The following FARP1 variants were observed in gnomAD, a reference collection of about 807,000 sequenced individuals.
FARP1 encodes FERM, ARH/RhoGEF and pleckstrin domain protein 1.
FARP1 carries 52 observed loss-of-function variants against 128.8 expected under a neutral mutation model. That is an observed-to-expected ratio of 0.40 (90% confidence interval 0.32 to 0.51). The LOEUF is 0.51. FARP1 is among the 20% of genes least tolerant of loss of function. The probability of loss-of-function intolerance (pLI) is 0.45; values close to 1 mark genes in which losing one functional copy is unlikely to be tolerated. For missense variants in FARP1, 1,333 were observed against 1,367.9 expected, an observed-to-expected ratio of 0.97 and a Z score of 0.40; for synonymous variants, 580 against 551.8, an observed-to-expected ratio of 1.05 and a Z score of -0.72.
chr13:98,172,495 A>C (rs1877722121), intron 1 of FARP1, among the ~76,000 whole-genome samples: 1 of 152,160 alleles, frequency 6.6e-6, no homozygotes, highest in Admixed American at 6.5e-5. Flanking sequence ...TGCCTCTAGC[A>C]TAGCACCCTT....
chr13:98,200,207 A>G (rs1391672659), intron 1 of FARP1, among the ~76,000 whole-genome samples: 2 of 152,342 alleles, frequency 1.3e-5, no homozygotes, highest in African/African-American at 4.8e-5. Flanking sequence ...CATGTGCAAA[A>G]CATGGCAGAG....
At chr13:98,294,931 C>T (rs551083037) in intron 2 of FARP1, among the ~76,000 whole-genome samples, 110 of 151,726 alleles carry the variant, frequency 7.2e-4, no homozygotes, top group Admixed American at 2.8e-3. Context: ...GCAGGATAAT[C>T]GCTTGATCCC....
At chr13:98,174,690 G>GT (rs1877874503) in intron 1 of FARP1, among the ~76,000 whole-genome samples, 1 of 152,144 alleles carries the variant, frequency 6.6e-6, no homozygotes, top group South Asian at 2.1e-4. Context: ...TGTCTGCCTT[G>GT]TCGACTATCA....
intron 11 of FARP1, among the ~76,000 whole-genome samples, chr13:98,392,501 A>C (rs184989507): frequency 0.014 from 1,710 of 122,240 alleles, 15 homozygotes; most frequent in Middle Eastern, 0.05. Flanking sequence ...ATCCTGTCCC[A>C]AAAAAAAAAA....
intron 2 of FARP1, among the ~76,000 whole-genome samples, chr13:98,264,795 A>C (rs1489960441): frequency 6.6e-6 from 1 of 152,180 alleles, no homozygotes; most frequent in African/African-American, 2.4e-5. Flanking sequence ...CTTACTATTC[A>C]ATAGTAATAA....
chr13:98,367,162 A>ATGG (rs1397502037), intron 4 of FARP1, among the ~76,000 whole-genome samples: 11 of 152,108 alleles, frequency 7.2e-5, no homozygotes, highest in Non-Finnish European at 1.5e-4. Context: ...GATGATGATG[A>ATGG]TGATGATGAT....
intron 3 of FARP1, among the ~76,000 whole-genome samples, chr13:98,354,254 A>G (rs74908678): frequency 0.014 from 2,148 of 152,246 alleles, 18 homozygotes; most frequent in Middle Eastern, 0.034. Context: ...TTTCTTTTTC[A>G]TTTAAAGCTT....
At chr13:98,224,671 T>G (rs1881650771) in intron 2 of FARP1, among the ~76,000 whole-genome samples, 1 of 151,922 alleles carries the variant, frequency 6.6e-6, no homozygotes, top group Non-Finnish European at 1.5e-5. Context: ...TCCCATTTGC[T>G]GACCCCAACC....
intron 2 of FARP1, among the ~76,000 whole-genome samples, chr13:98,247,000 C>T (rs4772058): frequency 0.39 from 60,041 of 152,022 alleles, 12,451 homozygotes; most frequent in South Asian, 0.54. Flanking sequence ...CCAAGGTGGA[C>T]GGATCACCTG....
chr13:98,162,286 A>G (rs1876943919), intron 1 of FARP1, among the ~76,000 whole-genome samples: 1 of 152,202 alleles, frequency 6.6e-6, no homozygotes, highest in African/African-American at 2.4e-5. Context: ...CCTGCGTACA[A>G]GTGTGGAGTT....
At position 98,448,265 on chromosome 13, in the gene FARP1, G is replaced by A. The variant is rs147158245; in HGVS notation, c.3086G>A (p.Ser1029Asn). The A allele has an allele frequency of 8.7e-6, 14 of 1,614,008 alleles. No homozygotes were observed. The highest frequency in any genetic ancestry group is 1.1e-5 in the Non-Finnish European group (13 of 1,179,976). Reference protein sequence around the residue: ...RWMEVIRSATSSASRPHVLSH... With the variant: ...RWMEVIRSATNSASRPHVLSH... ...ATGGAAGTGATCCGCAGTGCCACCA[G>A]CTCTGCCTCGCGACCCCACGTGTTG... is the stretch of plus-strand genomic sequence containing the variant. The change falls in exon 27 of 27, where the codon AGC becomes AAC. Residue 1029 changes from serine to asparagine, a missense_variant. Transcript: ENST00000319562.
intron 13 of FARP1, chr13:98,398,170 G>T (rs1360349877): frequency 6.6e-6 from 1 of 152,054 alleles, no homozygotes; most frequent in Non-Finnish European, 1.5e-5. Context: ...TCCAGAAGTC[G>T]GTTTTAAAGA....
intron 2 of FARP1, chr13:98,329,957 A>G (rs180839132): frequency 1.3e-5 from 2 of 152,366 alleles, no homozygotes; most frequent in African/African-American, 4.8e-5. Flanking sequence ...AAAGTGAAAA[A>G]TAAAAAGAAA....
At chr13:98,358,927 G>A (rs1428697450) in intron 3 of FARP1, among the ~76,000 whole-genome samples, 2 of 152,138 alleles carry the variant, frequency 1.3e-5, no homozygotes, top group Non-Finnish European at 1.5e-5. Flanking sequence ...GTGAGGCACC[G>A]CGCACGGCTC....
chr13:98,275,626 CTCTT>C lies in FARP1; in HGVS notation c.171+62215_171+62218del, dbSNP rs147385379. Among the ~76,000 whole-genome samples, 588 of 140,518 alleles carry C rather than the reference CTCTT, an allele frequency of 4.2e-3. 11 individuals are homozygous for C. Among genetic ancestry groups the C allele is most frequent in the South Asian group, 0.035 (157 of 4,542 alleles). 92.2% of individuals were successfully genotyped at this position (140,518 alleles called of 152,430 possible). A position where few individuals can be genotyped will look rare whatever the true frequency, so the allele number is the denominator to read the frequency against. On this transcript the variant is annotated intron_variant, in intron 2 of 26. Coordinates refer to ENST00000319562, the MANE Select transcript of FARP1 (RefSeq NM_005766.4). ...GTCCCCCCACTTCTTTTCTCTTTCT[CTCTT>C]TTTTTTTTTTTTTTTTGCATCTCTG...
chr13:98,181,204 G>A (rs894259123), intron 1 of FARP1, among the ~76,000 whole-genome samples: 11 of 152,078 alleles, frequency 7.2e-5, no homozygotes, highest in African/African-American at 2.7e-4. Flanking sequence ...ACTAAGTGAA[G>A]GAAAAAATTG....
At chr13:98,275,967 G>A (rs1884637515) in intron 2 of FARP1, among the ~76,000 whole-genome samples, 1 of 152,198 alleles carries the variant, frequency 6.6e-6, no homozygotes, top group African/African-American at 2.4e-5. Context: ...AGGTCGGCGG[G>A]GGTATGATGG....
chr13:98,410,534 T>C (rs1419374171), intron 14 of FARP1, among the ~76,000 whole-genome samples, 200 bp from the exon 15 acceptor site: 2 of 152,222 alleles, frequency 1.3e-5, no homozygotes, highest in African/African-American at 4.8e-5. Flanking sequence ...GTAATTCATA[T>C]TTATTCTCTT....
intron 1 of FARP1, among the ~76,000 whole-genome samples, chr13:98,207,421 A>C (rs1357115356): frequency 1.3e-5 from 2 of 152,146 alleles, no homozygotes; most frequent in Non-Finnish European, 2.9e-5. Context: ...TTCAGTTCAG[A>C]GGATGAGGAG....
Sources: gnomAD v4.1 joint callset for allele counts (sites outside exome capture counted in the v4.1 genomes callset) on GRCh38, gnomAD v4.1.1 for gene constraint, MANE v1.5 for transcripts, NCBI Gene and HGNC (gene_info 2026-07-23, HGNC 2026-07-21) for gene names.